The following EPG5 variants were observed in gnomAD, a reference collection of about 807,000 sequenced individuals.
The protein encoded by EPG5 is ectopic P-granules 5 autophagy tethering factor.
In EPG5, 159 loss-of-function variants were observed where a neutral mutation model predicts 302.7. The observed-to-expected ratio is 0.53, with a 90% confidence interval of 0.46 to 0.60. The LOEUF is 0.60. Ranked by LOEUF, EPG5 falls within the 20% of genes least tolerant of loss-of-function variation. The pLI, the probability that EPG5 is intolerant of heterozygous loss-of-function variation, is 0.00. For synonymous variants in EPG5, 1,158 were observed against 1,136.8 expected (o/e 1.02, Z -0.37); for missense variants, 2,896 against 3,092.4 (o/e 0.94, Z 1.51).
rs1222925553 is a variant in EPG5 at position 45,901,163 on chromosome 18, T to C, written c.4479A>G (p.Lys1493=). The C allele has an allele frequency of 6.2e-7, 1 of 1,613,882 alleles. No homozygotes were observed. Reference sequence around the variant, plus strand: ...TCCGCAAGTTACTTAAAACCCTTTCTTTAGCTGAAAGAAAATTAAGTCATA... The same window carrying C: ...TCCGCAAGTTACTTAAAACCCTTTCCTTAGCTGAAAGAAAATTAAGTCATA... ...QLDFTDPLLA[K]ERVLSNLRKH... The change falls in exon 26 of 44, where the codon AAA becomes AAG. Residue 1493 remains lysine, a synonymous_variant. Transcript: ENST00000282041.
chr18:45,916,724 G>C, intron 17 of EPG5, 142 bp from the exon 18 acceptor site: 1 of 825,150 alleles, frequency 1.2e-6, no homozygotes, highest in South Asian at 2.2e-5. Flanking sequence ...GATTCTAGAA[G>C]AATAAAGTTT....
rs1284679899 is a variant in EPG5, at chr18:45,851,440, T to C, written c.*1027A>G. ...ACGTGGCTATGGAAAAAAAGCCAAA[T>C]TTCAGTAGATCTCCCGACCTGACCC... On this transcript the variant is annotated 3_prime_UTR_variant, in exon 44 of 44. Coordinates refer to ENST00000282041, the MANE Select transcript of EPG5 (RefSeq NM_020964.3). 1 of 152,174 alleles carries C rather than the reference T, an allele frequency of 6.6e-6. No homozygotes were observed. Among genetic ancestry groups the C allele is most frequent in the African/African-American group, 2.4e-5 (1 of 41,422 alleles). The allele number at this position is 152,174 out of a possible 1,614,324, so 9.4% of individuals were successfully genotyped here.
chr18:45,909,602 AG>A (rs1468173185), intron 23 of EPG5, among the ~76,000 whole-genome samples: 1 of 152,226 alleles, frequency 6.6e-6, no homozygotes, highest in Admixed American at 6.5e-5. Flanking sequence ...TGAAAGGGGA[AG>A]GAATAGTGTG....
chr18:45,825,477 G>A, the EPG5 span: 48 of 557,096 alleles, frequency 8.6e-5, no homozygotes, highest in Middle Eastern at 1.4e-3. Flanking sequence ...TCCTGTCCTG[G>A]AAAATCATCC....
At chr18:45,876,780 A>C (rs116831705) in intron 34 of EPG5, among the ~76,000 whole-genome samples, 1,661 of 152,072 alleles carry the variant, frequency 0.011, 24 homozygotes, top group African/African-American at 0.032. Flanking sequence ...AAAATGAGCA[A>C]ATAAAATTTT....
rs2050036468 is a variant in EPG5, at chr18:45,916,490, A to G, written c.3332T>C (p.Leu1111Pro). The change falls in exon 18 of 44, where the codon CTG becomes CCG. Residue 1111 changes from leucine to proline, a missense_variant. Physicochemically the swap from Leu to Pro is moderately conservative, Grantham distance 98. This residue lies in a region of EPG5 where 1,390 missense variants were observed against 1,430.0 expected (regional missense o/e 0.97). Transcript: ENST00000282041. Reference sequence around the variant, plus strand: ...GTTGTCCCCATGGCTGGCTCCTGTCAGGTGCTGTGCCACCTTGTGGGTGAC... The same window carrying G: ...GTTGTCCCCATGGCTGGCTCCTGTCGGGTGCTGTGCCACCTTGTGGGTGAC... ...QQVTHKVAQHLTGASHGDNVK... is the reference protein window; with the variant it reads ...QQVTHKVAQHPTGASHGDNVK... The G allele has an allele frequency of 6.2e-7, 1 of 1,613,812 alleles. No individual in the cohort carries two copies. Among genetic ancestry groups the G allele is most frequent in the Non-Finnish European group, 8.5e-7 (1 of 1,179,736 alleles).
chr18:45,935,631 T>C (rs567904444), intron 10 of EPG5, among the ~76,000 whole-genome samples: 79 of 152,124 alleles, frequency 5.2e-4, no homozygotes, highest in Non-Finnish European at 5.6e-4. Flanking sequence ...CACACAGTAG[T>C]GGGTGGCAGA....
chr18:45,801,985 G>A, the EPG5 span, among the ~76,000 whole-genome samples: 11 of 151,982 alleles, frequency 7.2e-5, no homozygotes, highest in South Asian at 2.1e-4. Context: ...CTCTGATGGC[G>A]GAAGGGTTGA....
the EPG5 span, among the ~76,000 whole-genome samples, chr18:45,801,216 T>C: frequency 6.6e-6 from 1 of 152,134 alleles, no homozygotes; most frequent in Non-Finnish European, 1.5e-5. Flanking sequence ...TTTGTATTTT[T>C]AGTAGAGACA....
In EPG5 at chr18:45,954,715, A is replaced by C. The variant is rs1403303158; in HGVS notation, c.687T>G (p.Ala229=). ...GAAGCAAGGGTTTCACTGCCACCAA[A>C]GCTGGTGCTTCTCCAGCAATTTCAG... ...LPAEIAGEAP[A]LVAVKPLLRS... Residue 229 remains alanine (A), a synonymous_variant, in exon 2 of 44, where the codon GCT becomes GCG. Transcript: ENST00000282041. 1.9e-6 allele frequency: 3 copies of C among 1,614,130 alleles called. No individual in the cohort carries two copies. The South Asian group carries it at 3.3e-5, about 18-fold the overall frequency.
intron 20 of EPG5, 86 bp from the exon 21 acceptor site, chr18:45,913,914 C>G (rs2145695331): frequency 1.3e-6 from 2 of 1,510,034 alleles, no homozygotes; most frequent in African/African-American, 2.8e-5. Flanking sequence ...ATTTAAATCT[C>G]TTCCTATCTC....
chr18:45,908,003 C>A lies in EPG5; in HGVS notation c.4284G>T (p.Lys1428Asn). 1 of 1,597,774 alleles carries A rather than the reference C, an allele frequency of 6.3e-7. No individual in the cohort carries two copies. Among genetic ancestry groups the A allele is most frequent in the Admixed American group, 1.8e-5 (1 of 56,522 alleles). The change falls in exon 24 of 44, where the codon AAG becomes AAT. Residue 1428 changes from lysine to asparagine, a missense_variant. Coordinates refer to ENST00000282041, the MANE Select transcript of EPG5 (RefSeq NM_020964.3). ...TTGCTAGCCTGTGAATATCATAATG[C>A]TTTGGTAGAGAAGGGATATAGGTAT... ...KGDTYIPSLP[K>N]HYDIHRLAKV...
chr18:45,872,743 C>T (rs765096792), intron 35 of EPG5, among the ~76,000 whole-genome samples: 3 of 152,172 alleles, frequency 2.0e-5, no homozygotes, highest in Non-Finnish European at 4.4e-5. Flanking sequence ...TTGTACCAGA[C>T]AACTCTCATT....
the EPG5 span, among the ~76,000 whole-genome samples, chr18:45,812,985 C>G: frequency 2.0e-5 from 3 of 152,058 alleles, no homozygotes; most frequent in Non-Finnish European, 4.4e-5. Flanking sequence ...AACAGGCAAC[C>G]CACAGAATGG....
intron 13 of EPG5, among the ~76,000 whole-genome samples, chr18:45,928,382 C>T (rs190646611): frequency 5.3e-5 from 8 of 152,084 alleles, no homozygotes; most frequent in African/African-American, 1.9e-4. Flanking sequence ...CTCAAGAAAA[C>T]TTTTGAAAAA....
At position 45,884,824 on chromosome 18, in the gene EPG5, A is replaced by T; in HGVS notation, c.5110-13T>A. The T allele has an allele frequency of 6.6e-7, 1 of 1,506,586 alleles. No individual in the cohort carries two copies. 93.3% of individuals were successfully genotyped at this position (1,506,586 alleles called of 1,614,324 possible). On this transcript the variant is annotated splice_polypyrimidine_tract_variant and intron_variant, in intron 29 of 43. Transcript: ENST00000282041. ...CACTGATAAATACCTTGGAAAAATA[A>T]AAAGGAAAAATGTCACCAGATTCTT...
At chr18:45,953,332 T>C (rs1250325599) in intron 2 of EPG5, 1 of 985,242 alleles carries the variant, frequency 1.0e-6, no homozygotes, top group African/African-American at 1.7e-5. Context: ...GGATCTACCC[T>C]CATCATTCTT....
intron 25 of EPG5, among the ~76,000 whole-genome samples, chr18:45,903,240 CT>C (rs2145604762): frequency 6.6e-6 from 1 of 151,782 alleles, no homozygotes; most frequent in South Asian, 2.1e-4. Context: ...TAATATATAT[CT>C]TTTATAATCA....
the EPG5 span, among the ~76,000 whole-genome samples, chr18:45,831,744 T>C: frequency 4.1e-5 from 1 of 24,126 alleles, no homozygotes; most frequent in East Asian, 1.3e-3. Context: ...TACCAACATC[T>C]TTTTTTTTTT....
Sources: gnomAD v4.1 joint callset for allele counts (sites outside exome capture counted in the v4.1 genomes callset) on GRCh38, gnomAD v4.1.1 for gene constraint, gnomAD v4.1.1 regional missense constraint, MANE v1.5 for transcripts, NCBI Gene and HGNC (gene_info 2026-07-23, HGNC 2026-07-21) for gene names.